The following MCM9 variants were observed in gnomAD, a reference collection of about 807,000 sequenced individuals.
The protein encoded by MCM9 is minichromosome maintenance 9 homologous recombination repair factor, also known as DNA helicase MCM9.
In MCM9, 55 loss-of-function variants were observed where a neutral mutation model predicts 72.8. The ratio of observed to expected loss-of-function variants is 0.76; its 90% CI spans 0.61 to 0.95. The LOEUF is 0.95. Among genes scored for constraint, MCM9 ranks in the 40% least tolerant of loss-of-function variants. The probability of loss-of-function intolerance (pLI) is 0.00; values close to 1 mark genes in which losing one functional copy is unlikely to be tolerated. For synonymous variants in MCM9, 480 were observed against 503.4 expected (o/e 0.95, Z 0.62); for missense variants, 1,279 against 1,377.0 (o/e 0.93, Z 1.13).
chr6:118,817,115 AG>A (rs1425375973), intron 13 of MCM9, among the ~76,000 whole-genome samples: 1 of 152,128 alleles, frequency 6.6e-6, no homozygotes, highest in Non-Finnish European at 1.5e-5. Flanking sequence ...TATTGCCAGA[AG>A]GACAACTTTC....
intron 9 of MCM9, among the ~76,000 whole-genome samples, chr6:118,842,520 A>G (rs1199674917): frequency 2.0e-5 from 3 of 152,038 alleles, no homozygotes; most frequent in Non-Finnish European, 4.4e-5. Flanking sequence ...TAATACTGAC[A>G]CCCTTTCTGC....
chr6:118,912,015 T>C, intron 7 of MCM9: 1 of 277,058 alleles, frequency 3.6e-6, no homozygotes, highest in Non-Finnish European at 6.7e-6. Context: ...GGCCTATGTT[T>C]AACATTTTAA....
intron 8 of MCM9, among the ~76,000 whole-genome samples, chr6:118,865,512 G>A (rs1777163964): frequency 6.6e-6 from 1 of 152,164 alleles, no homozygotes; most frequent in Admixed American, 6.5e-5. Context: ...GTCCCAAAAA[G>A]GGGTGAAAAC....
At position 118,903,835 on chromosome 6, in the gene MCM9, C is replaced by T. The variant is rs568449573; in HGVS notation, c.1150+7815G>A. On this transcript the variant is annotated intron_variant, in intron 8 of 13. Coordinates refer to ENST00000619706, the MANE Select transcript of MCM9 (RefSeq NM_017696.3). ...TTCCTGGGCTCAAGTGATCCACCCA[C>T]CTTAGCCTCCCAAAGTGCTAGGATT... Among the ~76,000 whole-genome samples, 141 of 152,270 alleles carry T rather than the reference C, an allele frequency of 9.3e-4. 2 individuals are homozygous for T. Among genetic ancestry groups the T allele is most frequent in the South Asian group, 7.3e-3 (35 of 4,826 alleles).
intron 13 of MCM9, among the ~76,000 whole-genome samples, chr6:118,821,561 C>A (rs1190883002): frequency 6.6e-6 from 1 of 152,048 alleles, no homozygotes; most frequent in East Asian, 1.9e-4. Flanking sequence ...ACATTTTTTC[C>A]TTCATTTCAA....
intron 8 of MCM9, chr6:118,905,580 G>A: frequency 7.7e-7 from 1 of 1,291,678 alleles, no homozygotes; most frequent in South Asian, 1.6e-5. Flanking sequence ...CTAGGTAACT[G>A]AAACTCCAGT....
At chr6:118,838,644 A>T (rs1204421545) in intron 9 of MCM9, among the ~76,000 whole-genome samples, 1 of 152,142 alleles carries the variant, frequency 6.6e-6, no homozygotes, top group East Asian at 1.9e-4. Context: ...GATGGTCTTG[A>T]TCTCCTGACC....
intron 6 of MCM9, among the ~76,000 whole-genome samples, chr6:118,916,442 A>C (rs1432568385): frequency 1.8e-3 from 150 of 82,512 alleles, no homozygotes; most frequent in African/African-American, 6.9e-3. Context: ...CATTATTATT[A>C]TTATTATTAT....
chr6:118,843,343 C>G lies in MCM9; in HGVS notation c.1325+13028G>C, dbSNP rs138997918. 7.8e-3 allele frequency among the ~76,000 whole-genome samples: 1,175 copies of G among 151,236 alleles called. 15 individuals carry two copies. Among genetic ancestry groups the G allele is most frequent in the African/African-American group, 0.028 (1,143 of 41,160 alleles). ...AAGTGACACATTAAAAAAAAAAAAT[C>G]TCTGGCTGGGTGCAGTGGCTCACAC... On this transcript the variant is annotated intron_variant, in intron 9 of 13. Transcript: ENST00000619706.
chr6:118,867,520 T>C (rs1777293432), intron 8 of MCM9, among the ~76,000 whole-genome samples: 1 of 152,192 alleles, frequency 6.6e-6, no homozygotes, highest in African/African-American at 2.4e-5. Context: ...AAGTACCCTA[T>C]GCAATTTTAT....
intron 13 of MCM9, among the ~76,000 whole-genome samples, chr6:118,825,879 G>C (rs560040729): frequency 1.3e-5 from 2 of 152,220 alleles, no homozygotes; most frequent in South Asian, 2.1e-4. Context: ...TATCCCCACC[G>C]AGCCTGCCTG....
intron 1 of MCM9, among the ~76,000 whole-genome samples, chr6:118,933,221 CG>C (rs202050154): frequency 0.019 from 2,932 of 152,154 alleles, 104 homozygotes; most frequent in African/African-American, 0.068. Context: ...TATTTGGGGC[CG>C]GGCGCAGTGG....
In MCM9 at chr6:118,861,016, G is replaced by A. The variant is rs923112907; in HGVS notation, c.1151-4471C>T. On this transcript the variant is annotated intron_variant, in intron 8 of 13. Transcript: ENST00000619706. ...GCTGCGCTTGGCTCACACTACTACC[G>A]GCCCAGATCTCATGTCTGCCAATGG... Among the ~76,000 whole-genome samples, 11 of 152,244 alleles carry A rather than the reference G, an allele frequency of 7.2e-5. No individual in the cohort carries two copies. The South Asian group carries it at 8.3e-4, about 11-fold the overall frequency.
At chr6:118,893,774 C>G (rs1371788871) in intron 8 of MCM9, among the ~76,000 whole-genome samples, 1 of 151,852 alleles carries the variant, frequency 6.6e-6, no homozygotes, top group South Asian at 2.1e-4. Flanking sequence ...CTCTCATCTG[C>G]TAAATTCAGC....
intron 9 of MCM9, among the ~76,000 whole-genome samples, chr6:118,843,655 T>TACAC (rs1491542240): frequency 0.017 from 640 of 38,608 alleles, 57 homozygotes; most frequent in African/African-American, 0.059. Context: ...TATATATATA[T>TACAC]GTGTATATAT....
At position 118,913,399 on chromosome 6, in the gene MCM9, C is replaced by A; in HGVS notation, c.926G>T (p.Ser309Ile). The change falls in exon 7 of 14, where the codon AGC becomes ATC. Residue 309 changes from serine (S) to isoleucine (I), a missense_variant. Ser to Ile is a moderately radical substitution (Grantham distance 142). Coordinates refer to ENST00000619706, the MANE Select transcript of MCM9 (RefSeq NM_017696.3). ...PFAGRNVILASLCPQVFGMYL... is the reference protein window; with the variant it reads ...PFAGRNVILAILCPQVFGMYL... ...CATTCCAAACACTTGAGGGCACAAG[C>A]TAGCCAATATTACATTCCTTCCTAG... is the stretch of plus-strand genomic sequence containing the variant. 1 of 1,613,866 alleles carries A rather than the reference C, an allele frequency of 6.2e-7. No individual in the cohort carries two copies. Among genetic ancestry groups the A allele is most frequent in the South Asian group, 1.1e-5 (1 of 91,078 alleles).
At chr6:118,910,364 A>G (rs569344796) in intron 8 of MCM9, among the ~76,000 whole-genome samples, 252 of 152,290 alleles carry the variant, frequency 1.7e-3, no homozygotes, top group African/African-American at 5.7e-3. Context: ...ACTATTCTAT[A>G]ACCGTAAAAT....
intron 8 of MCM9, chr6:118,908,330 T>A (rs1351824711): frequency 6.6e-6 from 1 of 152,170 alleles, no homozygotes; most frequent in Non-Finnish European, 1.5e-5. Flanking sequence ...TATTGTCCAG[T>A]GAATTCAAGA....
chr6:118,906,557 G>A (rs1206578185), intron 8 of MCM9, among the ~76,000 whole-genome samples: 1 of 152,114 alleles, frequency 6.6e-6, no homozygotes, highest in African/African-American at 2.4e-5. Context: ...AAAGTTTTAT[G>A]TTTGTTTTTC....
Sources: allele counts gnomAD v4.1 joint callset (sites outside exome capture counted in the v4.1 genomes callset), GRCh38; gene constraint gnomAD v4.1.1; transcripts MANE v1.5; gene names NCBI Gene and HGNC (gene_info 2026-07-23, HGNC 2026-07-21).